The following SLC22A23 variants were observed in gnomAD, a reference collection of about 807,000 sequenced individuals.
The protein encoded by SLC22A23 is solute carrier family 22 member 23.
In SLC22A23, 26 loss-of-function variants were observed where a neutral mutation model predicts 61.0. The ratio of observed to expected loss-of-function variants is 0.43; its 90% confidence interval spans 0.31 to 0.59. The LOEUF (loss-of-function observed/expected upper bound fraction) is 0.59. SLC22A23 is among the 20% of genes least tolerant of loss of function. The pLI, the probability that SLC22A23 is intolerant of heterozygous loss-of-function variation, is 0.11. For synonymous variants in SLC22A23, 430 were observed against 413.9 expected (o/e 1.04, Z -0.47); for missense variants, 796 against 934.7 (o/e 0.85, Z 1.94).
chr6:3,280,004 AC>A (rs1424326053), intron 9 of SLC22A23, among the ~76,000 whole-genome samples: 1 of 152,222 alleles, frequency 6.6e-6, no homozygotes, highest in African/African-American at 2.4e-5. Flanking sequence ...ACATTGAAAC[AC>A]CCGAGGCGAG....
intron 3 of SLC22A23, among the ~76,000 whole-genome samples, chr6:3,399,211 C>T (rs190738606): frequency 5.2e-4 from 79 of 152,216 alleles, no homozygotes; most frequent in African/African-American, 1.8e-3. Context: ...GCAGAGGAAA[C>T]GCCTCTTCAG....
intron 3 of SLC22A23, among the ~76,000 whole-genome samples, chr6:3,380,531 T>G (rs930120185): frequency 6.6e-6 from 1 of 152,090 alleles, no homozygotes; most frequent in Admixed American, 6.5e-5. Context: ...ATGTACAAAG[T>G]CCTGTGAAAC....
Position 3,304,029 on chromosome 6 carries a change from G to T in SLC22A23, c.1083-5811C>A, listed in dbSNP as rs1235215105. 6.6e-5 allele frequency among the ~76,000 whole-genome samples: 10 copies of T among 152,218 alleles called. No homozygotes were observed. The highest frequency in any genetic ancestry group is 1.3e-4 in the Non-Finnish European group (9 of 68,040). ...CATTATGCATACCAGGCAGACATTG[G>T]TGCTACTGGAATTCCATCAGTCCAG... On this transcript the variant is annotated intron_variant, in intron 4 of 9. Coordinates refer to ENST00000406686, the MANE Select transcript of SLC22A23 (RefSeq NM_015482.2). This position sits in a 1 kb window ranked among gnomAD's most constrained non-coding sequence, Gnocchi z 4.3.
intron 5 of SLC22A23, among the ~76,000 whole-genome samples, chr6:3,293,354 C>G (rs927901789): frequency 1.3e-5 from 2 of 152,338 alleles, no homozygotes; most frequent in Non-Finnish European, 2.9e-5. Flanking sequence ...CCCTGAGCCC[C>G]ACACCCGTGT....
rs1449137569 is a variant in SLC22A23 at position 3,294,141 on chromosome 6, C to G, written c.1210+3950G>C. Among the ~76,000 whole-genome samples the G allele has an allele frequency of 3.3e-5, 5 of 152,304 alleles. No homozygotes were observed. The East Asian group carries it at 9.7e-4, about 29-fold the overall frequency. The stretch of plus-strand genomic sequence containing the variant: ...ACTGCTCAGCCTCTTTGGGCCCGTT[C>G]TGTTCCTGTAAAGTAGGGAGAATGG... On this transcript the variant is annotated intron_variant, in intron 5 of 9. Coordinates refer to ENST00000406686, the MANE Select transcript of SLC22A23 (RefSeq NM_015482.2).
chr6:3,277,497 C>G (rs905263424), intron 9 of SLC22A23, among the ~76,000 whole-genome samples: 1 of 152,240 alleles, frequency 6.6e-6, no homozygotes, highest in African/African-American at 2.4e-5. Context: ...AGGCCACATC[C>G]TGGGAATCCC....
At chr6:3,282,457 G>A (rs536168346) in intron 9 of SLC22A23, 12 of 605,164 alleles carry the variant, frequency 2.0e-5, no homozygotes, top group South Asian at 7.8e-5. Flanking sequence ...AAGTGTGGAC[G>A]TGAAGATGCT....
chr6:3,350,492 T>A (rs1764703068), intron 3 of SLC22A23, among the ~76,000 whole-genome samples: 1 of 152,236 alleles, frequency 6.6e-6, no homozygotes, highest in African/African-American at 2.4e-5. Context: ...GCGGTCACAC[T>A]CATTCACCTC....
At chr6:3,421,404 T>C (rs1429302274) in intron 1 of SLC22A23, among the ~76,000 whole-genome samples, 1 of 152,206 alleles carries the variant, frequency 6.6e-6, no homozygotes, top group Non-Finnish European at 1.5e-5. Context: ...AGAGCAAAAG[T>C]TGAGAACCTG....
In SLC22A23 at chr6:3,314,523, T is replaced by C. The variant is rs112460248; in HGVS notation, c.1082+9311A>G. On this transcript the variant is annotated intron_variant, in intron 4 of 9. Transcript: ENST00000406686. Reference sequence around the variant, plus strand: ...GGGTCTTCAGGAAGATTTAGGGAGCTAAGTTATGTAAAGTGCTTAGCAGGG... The same window carrying C: ...GGGTCTTCAGGAAGATTTAGGGAGCCAAGTTATGTAAAGTGCTTAGCAGGG... 7.2e-3 allele frequency among the ~76,000 whole-genome samples: 1,089 copies of C among 152,298 alleles called. 13 individuals carry two copies. The highest frequency in any genetic ancestry group is 0.025 in the African/African-American group (1,052 of 41,556).
At chr6:3,363,193 G>A (rs1765590025) in intron 3 of SLC22A23, among the ~76,000 whole-genome samples, 1 of 152,224 alleles carries the variant, frequency 6.6e-6, no homozygotes, top group Admixed American at 6.5e-5. Flanking sequence ...AAATACAAAA[G>A]CAGTTGGGTC....
chr6:3,361,829 C>T (rs9392485), intron 3 of SLC22A23, among the ~76,000 whole-genome samples: 48,250 of 152,054 alleles, frequency 0.32, 8,140 homozygotes, highest in East Asian at 0.52. Flanking sequence ...ACCTGTCAAG[C>T]GGGAAACACG....
intron 3 of SLC22A23, among the ~76,000 whole-genome samples, chr6:3,326,814 G>GT (rs1392898296): frequency 6.6e-6 from 1 of 152,220 alleles, no homozygotes; most frequent in Admixed American, 6.5e-5. Flanking sequence ...CTATAAAGAT[G>GT]TTTTTGTAAA....
intron 1 of SLC22A23, among the ~76,000 whole-genome samples, chr6:3,443,680 G>T (rs953010253): frequency 2.0e-5 from 3 of 152,084 alleles, no homozygotes; most frequent in Non-Finnish European, 4.4e-5. Context: ...CTGTCACACC[G>T]TTTGAAGGAG....
intron 3 of SLC22A23, among the ~76,000 whole-genome samples, chr6:3,362,173 G>A (rs1006048189): frequency 1.5e-4 from 23 of 151,836 alleles, no homozygotes; most frequent in African/African-American, 5.3e-4. Flanking sequence ...AGAGGCCGAG[G>A]TGGGTGGATT....
chr6:3,412,901 A>AAG (rs1769369102), intron 2 of SLC22A23, among the ~76,000 whole-genome samples: 1 of 151,746 alleles, frequency 6.6e-6, no homozygotes, highest in Non-Finnish European at 1.5e-5. Flanking sequence ...AAAGCAGGGG[A>AAG]GCAGATTATC....
intron 1 of SLC22A23, among the ~76,000 whole-genome samples, chr6:3,426,590 A>T (rs2127535457): frequency 6.6e-6 from 1 of 152,242 alleles, no homozygotes; most frequent in East Asian, 1.9e-4. Context: ...AGTACCTGAG[A>T]TGGTAAACCA....
chr6:3,440,239 G>C (rs1256738820), intron 1 of SLC22A23, among the ~76,000 whole-genome samples: 1 of 152,192 alleles, frequency 6.6e-6, no homozygotes, highest in East Asian at 1.9e-4. Flanking sequence ...GTCCATGCTG[G>C]AGCTCTGCTG....
chr6:3,282,103 G>A, intron 9 of SLC22A23: 1 of 659,920 alleles, frequency 1.5e-6, no homozygotes, highest in South Asian at 1.7e-5. Flanking sequence ...AACAAAATAT[G>A]CATAATCATG....
Sources: allele counts gnomAD v4.1 joint callset (sites outside exome capture counted in the v4.1 genomes callset), GRCh38; gene constraint gnomAD v4.1.1; non-coding constraint Gnocchi (gnomAD v3.1); transcripts MANE v1.5; gene names NCBI Gene and HGNC (gene_info 2026-07-23, HGNC 2026-07-21).